Variants in ROR2 observed in about 807,000 individuals in gnomAD.
ROR2 encodes the protein tyrosine-protein kinase transmembrane receptor ROR2.
ROR2 carries 33 observed loss-of-function variants against 74.9 expected under a neutral mutation model. That is an observed-to-expected ratio of 0.44 (90% CI 0.33 to 0.59). ROR2 has a LOEUF of 0.59. ROR2 is among the 20% of genes least tolerant of loss of function. The probability of loss-of-function intolerance (pLI) is 0.02; values close to 1 mark genes in which losing one functional copy is unlikely to be tolerated. For synonymous variants in ROR2, 586 were observed against 558.7 expected, an observed-to-expected ratio of 1.05 and a Z score of -0.69; for missense variants, 1,216 against 1,313.8, an observed-to-expected ratio of 0.93 and a Z score of 1.15.
At chr9:91,802,226 A>G (rs1827411801) in intron 1 of ROR2, among the ~76,000 whole-genome samples, 1 of 150,946 alleles carries the variant, frequency 6.6e-6, no homozygotes, top group African/African-American at 2.5e-5. Flanking sequence ...GGCGCCCGCC[A>G]CCAGGCCCGG....
intron 7 of ROR2, among the ~76,000 whole-genome samples, chr9:91,729,226 A>T (rs1837152797): frequency 6.6e-6 from 1 of 152,100 alleles, no homozygotes; most frequent in African/African-American, 2.4e-5. Flanking sequence ...ACTCCCACTC[A>T]TTTTCCTTTT....
intron 1 of ROR2, among the ~76,000 whole-genome samples, chr9:91,913,585 G>A (rs928847410): frequency 6.6e-6 from 1 of 152,124 alleles, no homozygotes; most frequent in Non-Finnish European, 1.5e-5. Context: ...GACATCAACT[G>A]GGACAAACCC....
chr9:91,783,597 T>G (rs988592548), intron 1 of ROR2, among the ~76,000 whole-genome samples: 8 of 151,892 alleles, frequency 5.3e-5, no homozygotes, highest in Non-Finnish European at 1.0e-4. Flanking sequence ...CTCCAGGGTT[T>G]CAGCTGCAGC....
intron 7 of ROR2, among the ~76,000 whole-genome samples, chr9:91,727,219 G>T (rs890942446): frequency 3.9e-5 from 6 of 152,104 alleles, no homozygotes; most frequent in African/African-American, 1.4e-4. Context: ...ACATTTTAAT[G>T]TTTTCTTCAC....
Position 91,747,581 on chromosome 9 carries a change from C to A in ROR2, c.494+8490G>T, listed in dbSNP as rs146914366. On this transcript the variant is annotated intron_variant, in intron 4 of 8. Transcript: ENST00000375708. ...CCTCTTGACCAACAATGAAAGAATG[C>A]GAACTGTTGTGCATTTTCTATAGAA... is the stretch of plus-strand genomic sequence containing the variant. Among the ~76,000 whole-genome samples the A allele has an allele frequency of 3.9e-5, 6 of 152,320 alleles. No individual in the cohort carries two copies. The East Asian group carries it at 5.8e-4, about 15-fold the overall frequency.
rs558649359 is a variant in ROR2, at chr9:91,936,952, C to G, written c.97+12915G>C. Among the ~76,000 whole-genome samples, 4 of 140,048 alleles carry G rather than the reference C, an allele frequency of 2.9e-5. No homozygotes were observed. The Admixed American group carries it at 3.1e-4, about 11-fold the overall frequency. 91.9% of individuals were successfully genotyped at this position (140,048 alleles called of 152,430 possible). A position where few individuals can be genotyped will look rare whatever the true frequency, so the allele number is the denominator to read the frequency against. ...GGCTGAGGCAGGGGAATGGCGTGAA[C>G]CCGGGAGGCGGAGCTTGCAGTGAGC... On this transcript the variant is annotated intron_variant, in intron 1 of 8. Coordinates refer to ENST00000375708, the MANE Select transcript of ROR2 (RefSeq NM_004560.4).
rs78798148 is a variant in ROR2 at position 91,738,065 on chromosome 9, C to T, written c.495-547G>A. On this transcript the variant is annotated intron_variant, in intron 4 of 8. Transcript: ENST00000375708. ...GGGCAGTGAAATATTCTGTATGATA[C>T]TGTAATGGTGAGCACACGTCACTAT... 8.8e-3 allele frequency among the ~76,000 whole-genome samples: 1,333 copies of T among 152,214 alleles called. 17 individuals are homozygous for T. Among genetic ancestry groups the T allele is most frequent in the African/African-American group, 0.03 (1,263 of 41,514 alleles).
chr9:91,813,920 A>G (rs983624070), intron 1 of ROR2, among the ~76,000 whole-genome samples: 1 of 152,242 alleles, frequency 6.6e-6, no homozygotes, highest in African/African-American at 2.4e-5. Flanking sequence ...AGCAAGAATG[A>G]GAGCTGAGGG....
chr9:91,927,562 CTTTTTT>C (rs775823582), intron 1 of ROR2, among the ~76,000 whole-genome samples: 2 of 94,944 alleles, frequency 2.1e-5, no homozygotes, highest in Non-Finnish European at 2.0e-5. Flanking sequence ...TTTCTAGATT[CTTTTTT>C]TTTTTTTTTT....
intron 1 of ROR2, among the ~76,000 whole-genome samples, chr9:91,890,523 G>C (rs1173837069): frequency 6.6e-6 from 1 of 152,140 alleles, no homozygotes; most frequent in Non-Finnish European, 1.5e-5. Flanking sequence ...TTATTCCTAA[G>C]TGTTTTATAG....
chr9:91,770,381 G>A (rs1211042096), intron 2 of ROR2, among the ~76,000 whole-genome samples: 4 of 152,208 alleles, frequency 2.6e-5, no homozygotes, highest in Admixed American at 2.0e-4. Flanking sequence ...CAGCACGGGG[G>A]CCCACCCCAG....
chr9:91,835,628 C>T (rs1372684801), intron 1 of ROR2, among the ~76,000 whole-genome samples: 3 of 152,218 alleles, frequency 2.0e-5, no homozygotes, highest in Non-Finnish European at 4.4e-5. Context: ...CCTGCAGCAA[C>T]AGCAGTGAGC....
At chr9:91,738,561 A>AT (rs1564242153) in intron 4 of ROR2, among the ~76,000 whole-genome samples, 2 of 152,216 alleles carry the variant, frequency 1.3e-5, no homozygotes, top group African/African-American at 4.8e-5. Context: ...TATGATAACG[A>AT]TGACAATCCA....
At chr9:91,882,457 A>G (rs970016598) in intron 1 of ROR2, among the ~76,000 whole-genome samples, 2 of 151,790 alleles carry the variant, frequency 1.3e-5, no homozygotes, top group African/African-American at 4.8e-5. Context: ...TCCACTCCCC[A>G]TGAGAGCTGG....
At chr9:91,791,937 A>G (rs1826994970) in intron 1 of ROR2, among the ~76,000 whole-genome samples, 1 of 152,254 alleles carries the variant, frequency 6.6e-6, no homozygotes, top group South Asian at 2.1e-4. Flanking sequence ...AGAAATCAGC[A>G]GAAGAAAATT....
intron 1 of ROR2, among the ~76,000 whole-genome samples, chr9:91,885,859 T>C (rs1042539626): frequency 8.1e-5 from 12 of 148,704 alleles, no homozygotes; most frequent in African/African-American, 3.0e-4. Flanking sequence ...TAAGTAGCAG[T>C]ATGGTTTCCT....
At chr9:91,806,761 T>C (rs1311140432) in intron 1 of ROR2, among the ~76,000 whole-genome samples, 1 of 152,092 alleles carries the variant, frequency 6.6e-6, no homozygotes, top group Non-Finnish European at 1.5e-5. Context: ...GGCTAATTTT[T>C]TGTATTTTTA....
chr9:91,755,942 T>C (rs1825735809), intron 4 of ROR2, 129 bp downstream of exon 4: 1 of 925,234 alleles, frequency 1.1e-6, no homozygotes, highest in East Asian at 2.4e-5. Context: ...TGGCCACCCC[T>C]GTGTGAAGCC....
At chr9:91,790,528 A>G (rs960260075) in intron 1 of ROR2, among the ~76,000 whole-genome samples, 11 of 150,814 alleles carry the variant, frequency 7.3e-5, no homozygotes, top group African/African-American at 2.7e-4. Flanking sequence ...AAAAAAAAAA[A>G]GTACAGCACA....
Sources: allele counts gnomAD v4.1 joint callset (sites outside exome capture counted in the v4.1 genomes callset), GRCh38; gene constraint gnomAD v4.1.1; transcripts MANE v1.5; gene names NCBI Gene and HGNC (gene_info 2026-07-23, HGNC 2026-07-21).